The following STK17A variants were observed in gnomAD, a reference collection of about 807,000 sequenced individuals.
STK17A encodes the protein serine/threonine kinase 17a.
In STK17A, 26 loss-of-function variants were observed where a neutral mutation model predicts 43.7. The observed-to-expected ratio is 0.60, with a 90% CI of 0.44 to 0.83. STK17A has a LOEUF of 0.83. Among genes scored for constraint, STK17A ranks in the 40% least tolerant of loss-of-function variants. STK17A has a pLI of 0.00. For missense variants in STK17A, 476 were observed against 511.6 expected, an observed-to-expected ratio of 0.93 and a Z score of 0.67; for synonymous variants, 191 against 182.5, an observed-to-expected ratio of 1.05 and a Z score of -0.38.
chr7:43,608,143 TAA>T, intron 2 of STK17A, 111 bp from the exon 3 acceptor site: 1 of 1,060,410 alleles, frequency 9.4e-7, no homozygotes, highest in Non-Finnish European at 1.3e-6. Flanking sequence ...ATACATTTTT[TAA>T]AAAAGGTATA....
At chr7:43,615,785 T>C (rs1409603968) in intron 3 of STK17A, among the ~76,000 whole-genome samples, 1 of 152,058 alleles carries the variant, frequency 6.6e-6, no homozygotes, top group African/African-American at 2.4e-5. Flanking sequence ...CCTCTATACT[T>C]CTCTTCCCTC....
chr7:43,616,845 C>T (rs2083398984), intron 3 of STK17A, among the ~76,000 whole-genome samples: 1 of 152,042 alleles, frequency 6.6e-6, no homozygotes, highest in Admixed American at 6.6e-5. Context: ...TGCAGTAAGC[C>T]GAGATCGCGC....
At chr7:43,612,014 T>TC (rs1366590647) in intron 3 of STK17A, among the ~76,000 whole-genome samples, 1 of 152,236 alleles carries the variant, frequency 6.6e-6, no homozygotes, top group Non-Finnish European at 1.5e-5. Flanking sequence ...AATACCAACT[T>TC]TAAGTGTGTA....
chr7:43,618,414 C>A (rs889912471), intron 3 of STK17A, among the ~76,000 whole-genome samples: 1 of 152,160 alleles, frequency 6.6e-6, no homozygotes, highest in African/African-American at 2.4e-5. Context: ...TTAGGGATTA[C>A]AGACTGTTTG....
chr7:43,608,333 T>G lies in STK17A; in HGVS notation c.497T>G (p.Leu166Arg). The G allele has an allele frequency of 6.2e-7, 1 of 1,614,138 alleles. No homozygotes were observed. Among genetic ancestry groups the G allele is most frequent in the South Asian group, 1.1e-5 (1 of 91,080 alleles). Residue 166 changes from leucine (L) to arginine (R), a missense_variant, in exon 3 of 7, where the codon CTT (leucine) becomes CGT (arginine). Coordinates refer to ENST00000319357, the MANE Select transcript of STK17A (RefSeq NM_004760.3). ...TTTAAAGAAAAAGATGTTCAAAGAC[T>G]TATGCGACAGATTTTAGAAGGTGTT... ...EAFKEKDVQR[L>R]MRQILEGVHF...
chr7:43,607,541 C>A (rs928838812), intron 2 of STK17A, among the ~76,000 whole-genome samples: 1 of 144,082 alleles, frequency 6.9e-6, no homozygotes, highest in African/African-American at 2.6e-5. Flanking sequence ...CCCAGCTACT[C>A]GGGAGGCTGA....
At chr7:43,596,733 T>C (rs2082518044) in intron 2 of STK17A, among the ~76,000 whole-genome samples, 1 of 151,954 alleles carries the variant, frequency 6.6e-6, no homozygotes, top group African/African-American at 2.4e-5. Context: ...CCTGGCGTGG[T>C]GGCATGTGCC....
intron 3 of STK17A, 125 bp downstream of exon 3, chr7:43,608,525 T>C: frequency 1.7e-6 from 2 of 1,184,344 alleles, no homozygotes; most frequent in Non-Finnish European, 2.3e-6. Context: ...ATATTAGAAT[T>C]GAGTCTTTAC....
At chr7:43,585,729 C>T (rs2082434217) in intron 1 of STK17A, among the ~76,000 whole-genome samples, 1 of 151,436 alleles carries the variant, frequency 6.6e-6, no homozygotes, top group Non-Finnish European at 1.5e-5. Flanking sequence ...CCGTTTATTG[C>T]CTCATAGGGT....
chr7:43,615,122 A>C (rs936314590), intron 3 of STK17A, among the ~76,000 whole-genome samples: 1 of 152,118 alleles, frequency 6.6e-6, no homozygotes, highest in African/African-American at 2.4e-5. Flanking sequence ...CCTCCTATCA[A>C]ATTTGCCTGA....
chr7:43,623,718 A>C lies in STK17A; in HGVS notation c.750A>C (p.Gly250=), dbSNP rs1395796605. ...ISMATDMWSI[G]VLTYVMLTGI... The stretch of plus-strand genomic sequence containing the variant: ...TTTCTTTCTAATTTAGGAGCATTGG[A>C]GTGTTAACATATGTCATGCTTACAG... Residue 250 remains glycine, a synonymous_variant, in exon 6 of 7, where the codon GGA becomes GGC. Coordinates refer to ENST00000319357, the MANE Select transcript of STK17A (RefSeq NM_004760.3). 1 of 1,606,218 alleles carries C rather than the reference A, an allele frequency of 6.2e-7. No homozygotes were observed. The highest frequency in any genetic ancestry group is 1.1e-5 in the South Asian group (1 of 88,658).
At position 43,622,393 on chromosome 7, in the gene STK17A, A is replaced by G. The variant is rs957770196; in HGVS notation, c.692-1179A>G. 9.8e-5 allele frequency: 15 copies of G among 152,312 alleles called. No homozygotes were observed. In the East Asian group the frequency reaches 2.9e-3, roughly 29 times the overall value. The allele number at this position is 152,312 out of a possible 1,614,324, so 9.4% of individuals were successfully genotyped here. On this transcript the variant is annotated intron_variant, in intron 4 of 6. Transcript: ENST00000319357. ...TTTGTCACAAATGAGTAGTAGATAC[A>G]TGACCTTGAGTATTTCGTTTTTTCA...
intron 2 of STK17A, among the ~76,000 whole-genome samples, chr7:43,604,618 CTT>C (rs2082576640): frequency 6.6e-6 from 1 of 152,182 alleles, no homozygotes; most frequent in Non-Finnish European, 1.5e-5. Flanking sequence ...AGATTTTCCT[CTT>C]TCTCACTGGT....
chr7:43,591,280 TAAAA>T (rs1208571002), intron 1 of STK17A, among the ~76,000 whole-genome samples: 1 of 151,622 alleles, frequency 6.6e-6, no homozygotes, highest in African/African-American at 2.4e-5. Context: ...TTTTAATAGT[TAAAA>T]AAATTAGAAT....
rs1434426099 is a variant in STK17A, at chr7:43,626,125, C to T, written c.*1283C>T. ...CAGTGCATTAAATATTTGCCTATCA[C>T]CTGTGTGCTGTGTACCGTGGCCATG... On this transcript the variant is annotated 3_prime_UTR_variant, in exon 7 of 7. Transcript: ENST00000319357. 1.3e-5 allele frequency: 2 copies of T among 152,174 alleles called. No individual in the cohort carries two copies. Among genetic ancestry groups the T allele is most frequent in the Non-Finnish European group, 2.9e-5 (2 of 68,036 alleles). The allele number at this position is 152,174 out of a possible 1,614,324, so 9.4% of individuals were successfully genotyped here.
At chr7:43,616,607 G>T (rs537061943) in intron 3 of STK17A, among the ~76,000 whole-genome samples, 2 of 152,208 alleles carry the variant, frequency 1.3e-5, no homozygotes, top group African/African-American at 2.4e-5. Context: ...TTAAAAAGAG[G>T]GACCGTCTGG....
intron 3 of STK17A, chr7:43,609,193 T>C (rs2082664741): frequency 6.6e-6 from 1 of 152,264 alleles, no homozygotes; most frequent in South Asian, 2.1e-4. Context: ...CTTCTTTGAA[T>C]GACAGTAAGA....
intron 3 of STK17A, among the ~76,000 whole-genome samples, chr7:43,610,801 T>C (rs1271725617): frequency 6.6e-6 from 1 of 151,988 alleles, no homozygotes; most frequent in Non-Finnish European, 1.5e-5. Context: ...TAATTTTTAT[T>C]GCATGAAGGC....
chr7:43,596,979 A>G (rs2082520181), intron 2 of STK17A, among the ~76,000 whole-genome samples: 1 of 152,182 alleles, frequency 6.6e-6, no homozygotes, highest in African/African-American at 2.4e-5. Context: ...CCTAAGCAAC[A>G]TAACAAAGAC....
Sources: allele counts gnomAD v4.1 joint callset (sites outside exome capture counted in the v4.1 genomes callset), GRCh38; gene constraint gnomAD v4.1.1; transcripts MANE v1.5; gene names NCBI Gene and HGNC (gene_info 2026-07-23, HGNC 2026-07-21).